Variants in BTD observed in about 807,000 individuals in gnomAD.
BTD encodes the protein biocytinase.
BTD carries 13 observed loss-of-function variants against 17.7 expected under a neutral mutation model. The observed-to-expected ratio is 0.74, with a 90% confidence interval of 0.48 to 1.17. BTD has a LOEUF of 1.17. Ranked by LOEUF, BTD falls within the 50% of genes most tolerant of loss-of-function variation. BTD has a pLI of 0.00. For missense variants in BTD, 674 were observed against 650.4 expected (o/e 1.04, Z -0.39); for synonymous variants, 240 against 245.2 (o/e 0.98, Z 0.20).
chr3:15,672,006 GTTCA>G (rs1668838224), intron 3 of BTD, among the ~76,000 whole-genome samples: 1 of 152,042 alleles, frequency 6.6e-6, no homozygotes, highest in Non-Finnish European at 1.5e-5. Flanking sequence ...ACTGTAGTTG[GTTCA>G]TTTTCATTGT....
chr3:15,622,397 C>T (rs2125399137), intron 1 of BTD, among the ~76,000 whole-genome samples: 1 of 152,168 alleles, frequency 6.6e-6, no homozygotes, highest in South Asian at 2.1e-4. Context: ...TTTAATTCTA[C>T]TGTGGTCTGA....
Position 15,670,333 on chromosome 3 carries a change from C to T in BTD, c.399+28276C>T, listed in dbSNP as rs750330289. ...CGTCAGTGTATAAGTACTCCTGTTC[C>T]CCTCCAATGTTATTGAAACTGCAAT... is the stretch of plus-strand genomic sequence containing the variant. On this transcript the variant is annotated intron_variant, in intron 3 of 3. Coordinates refer to the BTD transcript ENST00000672141. The T allele has an allele frequency of 5.6e-6, 9 of 1,613,970 alleles. No homozygotes were observed. The East Asian group carries it at 2.0e-4, about 36-fold the overall frequency.
exon 5 of BTD, among the ~76,000 whole-genome samples, chr3:15,722,078 TTTATATGA>T (rs2124943062): frequency 6.6e-6 from 1 of 152,224 alleles, no homozygotes; most frequent in African/African-American, 2.4e-5. Flanking sequence ...AAGGGAATAG[TTTATATGA>T]TTAGTGTGTA....
chr3:15,667,579 G>T (rs1027987286), intron 3 of BTD: 9 of 152,168 alleles, frequency 5.9e-5, no homozygotes, highest in African/African-American at 2.2e-4. Flanking sequence ...AAATTTCTAC[G>T]GTGCTGTGTT....
At chr3:15,705,464 C>G (rs750054129) in intron 3 of BTD, among the ~76,000 whole-genome samples, 1 of 152,130 alleles carries the variant, frequency 6.6e-6, no homozygotes, top group East Asian at 1.9e-4. Flanking sequence ...ACCCAATAAC[C>G]AGTCTGTGAA....
intron 3 of BTD, among the ~76,000 whole-genome samples, chr3:15,700,423 G>C (rs988287558): frequency 4.0e-5 from 6 of 151,322 alleles, no homozygotes; most frequent in Non-Finnish European, 5.9e-5. Flanking sequence ...CCTGCACGTT[G>C]TGCACATGTA....
intron 3 of BTD, chr3:15,670,001 T>C: frequency 2.5e-6 from 1 of 396,028 alleles, no homozygotes; most frequent in Non-Finnish European, 4.6e-6. Context: ...CAATTGTTCC[T>C]GGCACTGCAA....
At chr3:15,641,525 A>T (rs1034134890) in intron 2 of BTD, among the ~76,000 whole-genome samples, 1 of 152,230 alleles carries the variant, frequency 6.6e-6, no homozygotes, top group Non-Finnish European at 1.5e-5. Flanking sequence ...AATGGGCCCA[A>T]TGTATTCAAG....
At chr3:15,630,077 A>G (rs1241737381) in intron 1 of BTD, 1 of 985,354 alleles carries the variant, frequency 1.0e-6, no homozygotes. Context: ...GTCATATTGT[A>G]TGAAATTGCA....
intron 1 of BTD, among the ~76,000 whole-genome samples, chr3:15,625,590 T>C (rs2065046592): frequency 6.6e-6 from 1 of 152,162 alleles, no homozygotes; most frequent in Non-Finnish European, 1.5e-5. Context: ...GGAGTCTCAC[T>C]CTCATGCCAG....
chr3:15,649,001 A>C lies in BTD; in HGVS notation c.*3513A>C, dbSNP rs1042071769. On this transcript the variant is annotated 3_prime_UTR_variant, in exon 4 of 4. Coordinates refer to ENST00000643237, the MANE Select transcript of BTD (RefSeq NM_001370658.1). Reference sequence around the variant, plus strand: ...AACCCACCCCTGCAGGTTTCAGAAGAAGCATGGCTCTGCCAACACCTTGAT... The same window carrying C: ...AACCCACCCCTGCAGGTTTCAGAAGCAGCATGGCTCTGCCAACACCTTGAT... 3.9e-5 allele frequency among the ~76,000 whole-genome samples: 6 copies of C among 152,202 alleles called. No homozygotes were observed. Among genetic ancestry groups the C allele is most frequent in the African/African-American group, 1.4e-4 (6 of 41,454 alleles).
chr3:15,630,021 C>T (rs944389548), intron 1 of BTD: 18 of 985,132 alleles, frequency 1.8e-5, no homozygotes, highest in African/African-American at 7.0e-5. Context: ...CCCACGCAGA[C>T]GCTGTGTGTC....
exon 5 of BTD, among the ~76,000 whole-genome samples, chr3:15,722,282 C>T (rs370723494): frequency 1.2e-4 from 19 of 152,230 alleles, no homozygotes; most frequent in African/African-American, 4.6e-4. Context: ...TATAATGGAG[C>T]CCCAATAAAA....
At chr3:15,690,976 T>C (rs546480613) in intron 3 of BTD, among the ~76,000 whole-genome samples, 1 of 152,268 alleles carries the variant, frequency 6.6e-6, no homozygotes, top group African/African-American at 2.4e-5. Flanking sequence ...AAACTGACCA[T>C]ACCCACCCCA....
downstream of BTD, chr3:15,713,520 T>C: frequency 1.9e-6 from 3 of 1,607,582 alleles, no homozygotes; most frequent in Non-Finnish European, 2.5e-6. Context: ...CCTCGGTAAG[T>C]ACTTACTTTG....
intron 1 of BTD, chr3:15,631,285 T>C (rs2065197321): frequency 1.5e-6 from 1 of 666,042 alleles, no homozygotes; most frequent in Non-Finnish European, 2.4e-6. Flanking sequence ...ATAGGATTGC[T>C]ATTCTCCCTG....
rs1282301721 is a variant in BTD, at chr3:15,680,778, A to T, written c.400-29282A>T. Among the ~76,000 whole-genome samples the T allele has an allele frequency of 6.9e-3, 1,048 of 152,042 alleles. 13 individuals are homozygous for T. Among genetic ancestry groups the T allele is most frequent in the African/African-American group, 0.024 (1,002 of 41,454 alleles). On this transcript the variant is annotated intron_variant, in intron 3 of 3. Transcript: ENST00000672141. Reference sequence around the variant, plus strand: ...CCTCCTGGGCTCAAGTGATCCTCCCACCTCAGCCTCCTGAGTTGCTAAGAC... The same window carrying T: ...CCTCCTGGGCTCAAGTGATCCTCCCTCCTCAGCCTCCTGAGTTGCTAAGAC...
intron 1 of BTD, 26 bp downstream of exon 1, chr3:15,601,920 G>C: frequency 6.2e-7 from 1 of 1,612,830 alleles, no homozygotes; most frequent in Non-Finnish European, 8.5e-7. Flanking sequence ...GGTGCGGCGC[G>C]GAGGGGGTGT....
At chr3:15,611,264 C>A (rs2125354194) in intron 1 of BTD, among the ~76,000 whole-genome samples, 1 of 152,296 alleles carries the variant, frequency 6.6e-6, no homozygotes, top group South Asian at 2.1e-4. Context: ...CCTCTGTACT[C>A]TTCCTCTGTA....
Sources: allele counts gnomAD v4.1 joint callset (sites outside exome capture counted in the v4.1 genomes callset), GRCh38; gene constraint gnomAD v4.1.1; transcripts MANE v1.5; gene names NCBI Gene and HGNC (gene_info 2026-07-23, HGNC 2026-07-21).